Variants in KCNJ15 observed in about 807,000 individuals in gnomAD.
KCNJ15 encodes potassium inwardly rectifying channel subfamily J member 15.
Under a neutral mutation model 23.0 loss-of-function variants are expected in KCNJ15, and 14 were observed. The ratio of observed to expected loss-of-function variants is 0.61; its 90% CI spans 0.40 to 0.95. The LOEUF (loss-of-function observed/expected upper bound fraction) is 0.95. Among genes scored for constraint, KCNJ15 ranks in the 40% least tolerant of loss-of-function variants. The pLI is 0.00. For missense variants in KCNJ15, 388 were observed against 461.8 expected (o/e 0.84, Z 1.46); for synonymous variants, 185 against 183.2 (o/e 1.01, Z -0.08).
At chr21:38,248,189 G>A (rs1401975133) in intron 1 of KCNJ15, among the ~76,000 whole-genome samples, 1 of 152,206 alleles carries the variant, frequency 6.6e-6, no homozygotes, top group African/African-American at 2.4e-5. Flanking sequence ...GGTGGTATAA[G>A]CACTTCATCA....
rs10579917 is a variant in KCNJ15, at chr21:38,247,522, G to GTGGA, written c.-398-9479_-398-9476dup. On this transcript the variant is annotated intron_variant, in intron 1 of 4. Transcript: ENST00000547341. ...AATGGATGGTTGGATAGATGCATAG[G>GTGGA]TGGATGGATGGATGGATGGATGGAT... 8.7e-3 allele frequency among the ~76,000 whole-genome samples: 1,202 copies of GTGGA among 137,418 alleles called. 19 individuals carry two copies. Among genetic ancestry groups the GTGGA allele is most frequent in the African/African-American group, 0.014 (505 of 36,660 alleles). The allele number at this position is 137,418 out of a possible 152,430, so 90.2% of individuals were successfully genotyped here.
intron 1 of KCNJ15, among the ~76,000 whole-genome samples, chr21:38,288,501 A>G (rs1275547403): frequency 6.6e-6 from 1 of 152,058 alleles, no homozygotes; most frequent in Admixed American, 6.5e-5. Context: ...GAGACTGACA[A>G]CTCCACATTT....
intron 1 of KCNJ15, among the ~76,000 whole-genome samples, chr21:38,260,008 A>C (rs145834987): frequency 6.6e-6 from 1 of 152,358 alleles, no homozygotes; most frequent in African/African-American, 2.4e-5. Context: ...CTAAGGGCAG[A>C]GAGGGAGAGA....
chr21:38,284,692 TC>T (rs1569008621), intron 1 of KCNJ15, among the ~76,000 whole-genome samples: 1 of 152,116 alleles, frequency 6.6e-6, no homozygotes, highest in Admixed American at 6.6e-5. Context: ...GGGGTGACGG[TC>T]CTCAAGGAGC....
intron 1 of KCNJ15, among the ~76,000 whole-genome samples, chr21:38,263,695 C>T (rs980734399): frequency 1.3e-5 from 2 of 152,096 alleles, no homozygotes; most frequent in South Asian, 2.1e-4. Context: ...AGGCATCGTG[C>T]GATCCAAAGA....
At chr21:38,265,470 A>C (rs1239964888) in intron 1 of KCNJ15, among the ~76,000 whole-genome samples, 2 of 152,248 alleles carry the variant, frequency 1.3e-5, no homozygotes, top group East Asian at 3.8e-4. Flanking sequence ...CTTAGTTTTC[A>C]GTATCTGAAG....
At chr21:38,242,653 C>T (rs760044267) in intron 1 of KCNJ15, among the ~76,000 whole-genome samples, 2 of 152,132 alleles carry the variant, frequency 1.3e-5, no homozygotes, top group African/African-American at 4.8e-5. Flanking sequence ...CTTCTGGAGG[C>T]CTTCCCTGCT....
At chr21:38,241,068 GC>G (rs1440622793) in intron 1 of KCNJ15, among the ~76,000 whole-genome samples, 1 of 152,188 alleles carries the variant, frequency 6.6e-6, no homozygotes, top group African/African-American at 2.4e-5. Context: ...AAGGAAGAAT[GC>G]CCAGGATAGA....
chr21:38,247,057 A>AATGGATGGATGG (rs1234072753), intron 1 of KCNJ15, among the ~76,000 whole-genome samples: 2 of 120,102 alleles, frequency 1.7e-5, no homozygotes, highest in African/African-American at 3.0e-5. Flanking sequence ...TGGATGGGTG[A>AATGGATGGATGG]ATGGATGGAT....
chr21:38,250,505 T>G (rs1425930359), intron 1 of KCNJ15, among the ~76,000 whole-genome samples: 1 of 152,212 alleles, frequency 6.6e-6, no homozygotes, highest in Non-Finnish European at 1.5e-5. Context: ...GAAAGGGGCC[T>G]GATCTATGCT....
intron 1 of KCNJ15, among the ~76,000 whole-genome samples, chr21:38,271,348 C>T (rs1982074547): frequency 6.6e-6 from 1 of 152,150 alleles, no homozygotes; most frequent in Non-Finnish European, 1.5e-5. Flanking sequence ...AGCTTGTTCT[C>T]CTAATGTGGC....
chr21:38,273,866 G>A (rs751500810), intron 1 of KCNJ15, among the ~76,000 whole-genome samples: 1 of 152,190 alleles, frequency 6.6e-6, no homozygotes, highest in Non-Finnish European at 1.5e-5. Flanking sequence ...TTACAGATGA[G>A]GAAAACAGGA....
intron 1 of KCNJ15, among the ~76,000 whole-genome samples, chr21:38,247,246 A>G (rs1979469134): frequency 1.3e-5 from 2 of 152,016 alleles, no homozygotes; most frequent in South Asian, 4.2e-4. Context: ...GGATGGATGG[A>G]TGGATGGATG....
chr21:38,266,681 G>A (rs1981499275), intron 1 of KCNJ15, among the ~76,000 whole-genome samples: 1 of 152,218 alleles, frequency 6.6e-6, no homozygotes, highest in South Asian at 2.1e-4. Flanking sequence ...CCAGTAATGG[G>A]ATTGCTGGGT....
At chr21:38,282,447 T>C (rs1398452626) in intron 1 of KCNJ15, among the ~76,000 whole-genome samples, 1 of 152,196 alleles carries the variant, frequency 6.6e-6, no homozygotes, top group Non-Finnish European at 1.5e-5. Flanking sequence ...TTTTGAGAGA[T>C]GTACAACTAA....
In KCNJ15 at chr21:38,299,484, G is replaced by A. The variant is rs1227840730; in HGVS notation, c.223G>A (p.Val75Met). The A allele has an allele frequency of 1.2e-5, 19 of 1,614,200 alleles. 1 individual carries two copies. Among genetic ancestry groups the A allele is most frequent in the South Asian group, 3.3e-5 (3 of 91,084 alleles). Reference protein sequence around the residue: ...YKLTLFAATFVMTWFLFGVIY... With the variant: ...YKLTLFAATFMMTWFLFGVIY... Reference sequence around the variant, plus strand: ...ACTCACCCTGTTCGCTGCCACTTTTGTGATGACCTGGTTCCTTTTTGGAGT... The same window carrying A: ...ACTCACCCTGTTCGCTGCCACTTTTATGATGACCTGGTTCCTTTTTGGAGT... Residue 75 changes from valine to methionine, a missense_variant, in exon 3 of 3, where the codon GTG becomes ATG. Physicochemically the swap from Val to Met is conservative, Grantham distance 21 (BLOSUM62 1). Transcript: ENST00000398938. This position sits in a 1 kb window ranked among gnomAD's most constrained non-coding sequence, Gnocchi z 4.5.
intron 1 of KCNJ15, among the ~76,000 whole-genome samples, chr21:38,274,702 C>T (rs1326310774): frequency 6.6e-6 from 1 of 152,138 alleles, no homozygotes; most frequent in Non-Finnish European, 1.5e-5. Context: ...CCAATATTGA[C>T]CTCTGAATCA....
chr21:38,253,211 T>C (rs2123585119), upstream of KCNJ15, among the ~76,000 whole-genome samples: 1 of 152,270 alleles, frequency 6.6e-6, no homozygotes, highest in African/African-American at 2.4e-5. Flanking sequence ...CTCCTGGGAG[T>C]ACTACTTTAA....
At chr21:38,274,366 A>G (rs1362996692) in intron 1 of KCNJ15, among the ~76,000 whole-genome samples, 3 of 152,154 alleles carry the variant, frequency 2.0e-5, no homozygotes, top group Non-Finnish European at 4.4e-5. Context: ...GTAAGATCAC[A>G]CTTCTCCAAT....
Sources: gnomAD v4.1 joint callset for allele counts (sites outside exome capture counted in the v4.1 genomes callset) on GRCh38, gnomAD v4.1.1 for gene constraint, Gnocchi (gnomAD v3.1) non-coding constraint, MANE v1.5 for transcripts, NCBI Gene and HGNC (gene_info 2026-07-23, HGNC 2026-07-21) for gene names.